The following VIPR2 variants were observed in gnomAD, a reference collection of about 807,000 sequenced individuals.
VIPR2 encodes vasoactive intestinal peptide receptor 2.
A neutral mutation model predicts 58.0 loss-of-function variants in VIPR2; 48 were observed. That is an observed-to-expected ratio of 0.83 (90% confidence interval 0.66 to 1.05). VIPR2 has a LOEUF of 1.05. Ranked by LOEUF, VIPR2 falls within the 50% of genes least tolerant of loss-of-function variation. The pLI, the probability that VIPR2 is intolerant of heterozygous loss-of-function variation, is 0.00. For synonymous variants in VIPR2, 243 were observed against 235.2 expected, an observed-to-expected ratio of 1.03 and a Z score of -0.30; for missense variants, 534 against 558.0, an observed-to-expected ratio of 0.96 and a Z score of 0.43.
intron 4 of VIPR2, among the ~76,000 whole-genome samples, chr7:159,063,446 C>T (rs184494531): frequency 9.0e-4 from 137 of 152,074 alleles, no homozygotes; most frequent in African/African-American, 3.1e-3. Flanking sequence ...CGGGGCCTAC[C>T]GAGCCCACGA....
chr7:159,039,302 T>TAC (rs3064495), intron 6 of VIPR2, among the ~76,000 whole-genome samples: 20,631 of 148,930 alleles, frequency 0.14, 1,384 homozygotes, highest in Middle Eastern at 0.21. Flanking sequence ...CTACTAAAAA[T>TAC]ACACACACAC....
intron 4 of VIPR2, among the ~76,000 whole-genome samples, chr7:159,060,285 C>CCTCA (rs1855570722): frequency 3.3e-5 from 5 of 151,580 alleles, no homozygotes; most frequent in Admixed American, 3.3e-4. Flanking sequence ...CAACCACCAC[C>CCTCA]CTCACCTCAA....
At chr7:159,087,184 T>C (rs904955034) in intron 4 of VIPR2, among the ~76,000 whole-genome samples, 1 of 142,892 alleles carries the variant, frequency 7.0e-6, no homozygotes, top group African/African-American at 2.7e-5. Context: ...AGGACTCGGA[T>C]AGTGAGATAT....
At chr7:159,068,003 C>T (rs371333888) in intron 4 of VIPR2, among the ~76,000 whole-genome samples, 193 of 152,340 alleles carry the variant, frequency 1.3e-3, no homozygotes, top group Middle Eastern at 0.01. Flanking sequence ...ATCCAGGCTG[C>T]GGCTCCTGCA....
Position 159,128,185 on chromosome 7 carries a change from C to T in VIPR2, c.151+14261G>A, listed in dbSNP as rs1294364210. Among the ~76,000 whole-genome samples the T allele has an allele frequency of 6.6e-6, 1 of 152,084 alleles. No individual in the cohort carries two copies. Among genetic ancestry groups the T allele is most frequent in the Non-Finnish European group, 1.5e-5 (1 of 67,984 alleles). Reference sequence around the variant, plus strand: ...GGACACCACCCCAGCTTAGTCAGGGCCAGCAGCTGTGCCCAGGGTCCACAG... The same window carrying T: ...GGACACCACCCCAGCTTAGTCAGGGTCAGCAGCTGTGCCCAGGGTCCACAG... On this transcript the variant is annotated intron_variant, in intron 2 of 12. Transcript: ENST00000262178. The surrounding 1 kb of genome is among the most constrained non-coding windows in gnomAD (Gnocchi z 4.1).
At chr7:159,123,894 A>C (rs960285901) in intron 2 of VIPR2, among the ~76,000 whole-genome samples, 2 of 152,090 alleles carry the variant, frequency 1.3e-5, no homozygotes, top group Non-Finnish European at 2.9e-5. Flanking sequence ...GCATTTCTCT[A>C]ATGTTCAGTG....
chr7:159,030,542 G>A lies in VIPR2; in HGVS notation c.*74C>T. 4 of 1,455,946 alleles carry A rather than the reference G, an allele frequency of 2.7e-6. No homozygotes were observed. Among genetic ancestry groups the A allele is most frequent in the Non-Finnish European group, 3.6e-6 (4 of 1,100,062 alleles). The allele number at this position is 1,455,946 out of a possible 1,614,324, so 90.2% of individuals were successfully genotyped here. On this transcript the variant is annotated 3_prime_UTR_variant, in exon 13 of 13. Transcript: ENST00000262178. ...CACGGTGCTCGGGCATCTGGAAGGA[G>A]GAAGCCGGCGTCTCAGCCCCGCAGA...
intron 4 of VIPR2, among the ~76,000 whole-genome samples, chr7:159,078,546 G>T (rs1227726067): frequency 6.6e-6 from 1 of 152,150 alleles, no homozygotes; most frequent in Non-Finnish European, 1.5e-5. Context: ...ATTAGAACTT[G>T]GAGACTTAGT....
intron 3 of VIPR2, among the ~76,000 whole-genome samples, chr7:159,109,577 C>G (rs1795908554): frequency 6.6e-6 from 1 of 152,206 alleles, no homozygotes; most frequent in South Asian, 2.1e-4. Flanking sequence ...GCTCCTGTCT[C>G]CCCTGGTTCT....
intron 4 of VIPR2, among the ~76,000 whole-genome samples, chr7:159,066,050 A>T (rs1856061659): frequency 6.6e-6 from 1 of 152,202 alleles, no homozygotes; most frequent in Admixed American, 6.5e-5. Flanking sequence ...GGATTCCACG[A>T]TGCCTGCTCC....
rs1858436556 is a variant in VIPR2, at chr7:159,103,619, G to A, written c.357+138C>T. ...CGGAAACAGGGACTTCGCTTAACTT[G>A]GAAAGCAGAAAGTAGCATTGGTACT... On this transcript the variant is annotated intron_variant, in intron 4 of 12. Coordinates refer to ENST00000262178, the MANE Select transcript of VIPR2 (RefSeq NM_003382.5). 3 of 676,592 alleles carry A rather than the reference G, an allele frequency of 4.4e-6. No individual in the cohort carries two copies. The East Asian group carries it at 8.0e-5, about 18-fold the overall frequency. The allele number at this position is 676,592 out of a possible 1,614,324, so 41.9% of individuals were successfully genotyped here.
chr7:159,138,026 T>C (rs890397699), intron 2 of VIPR2, among the ~76,000 whole-genome samples: 1 of 152,210 alleles, frequency 6.6e-6, no homozygotes, highest in African/African-American at 2.4e-5. Flanking sequence ...ACAGTGATTA[T>C]TCATTTAGTT....
chr7:159,125,124 A>G (rs748493177), intron 2 of VIPR2, among the ~76,000 whole-genome samples: 1 of 152,090 alleles, frequency 6.6e-6, no homozygotes, highest in Non-Finnish European at 1.5e-5. Flanking sequence ...GATGCGCTTT[A>G]TTTTTTTCTC....
chr7:159,125,255 A>T (rs1366730867), intron 2 of VIPR2, among the ~76,000 whole-genome samples: 1 of 152,218 alleles, frequency 6.6e-6, no homozygotes, highest in Non-Finnish European at 1.5e-5. Flanking sequence ...ATTTTCTCTG[A>T]CCTGAATCAT....
At chr7:159,035,500 C>T (rs946363317) in intron 8 of VIPR2, among the ~76,000 whole-genome samples, 9 of 152,202 alleles carry the variant, frequency 5.9e-5, no homozygotes, top group Admixed American at 3.9e-4. Flanking sequence ...ATGTCTGGGC[C>T]GTGGTCTCGC....
At chr7:159,106,164 C>T (rs1858635067) in intron 3 of VIPR2, among the ~76,000 whole-genome samples, 1 of 152,134 alleles carries the variant, frequency 6.6e-6, no homozygotes, top group South Asian at 2.1e-4. Flanking sequence ...GAGCCTGTCA[C>T]TCATCCTCTG....
At chr7:159,133,031 C>CATACCGATTGATTT (rs1488940713) in intron 2 of VIPR2, among the ~76,000 whole-genome samples, 2 of 104,182 alleles carry the variant, frequency 1.9e-5, no homozygotes, top group African/African-American at 3.7e-5. Flanking sequence ...CAGAATGATT[C>CATACCGATTGATTT]CAAAAATGCA....
chr7:159,049,404 G>A (rs1429578302), intron 5 of VIPR2, among the ~76,000 whole-genome samples: 3 of 152,174 alleles, frequency 2.0e-5, no homozygotes, highest in Non-Finnish European at 2.9e-5. Context: ...TGGGGAGAAG[G>A]CAAGGGCACT....
chr7:159,120,073 G>C (rs1385048810), intron 2 of VIPR2, among the ~76,000 whole-genome samples: 1 of 152,170 alleles, frequency 6.6e-6, no homozygotes, highest in East Asian at 1.9e-4. Context: ...CCCAACGTGG[G>C]CCCCTCACCT....
Sources: gnomAD v4.1 joint callset for allele counts (sites outside exome capture counted in the v4.1 genomes callset) on GRCh38, gnomAD v4.1.1 for gene constraint, Gnocchi (gnomAD v3.1) non-coding constraint, MANE v1.5 for transcripts, NCBI Gene and HGNC (gene_info 2026-07-23, HGNC 2026-07-21) for gene names.